Variants in FBXO36 observed in about 807,000 individuals in gnomAD.
FBXO36 encodes F-box only protein 36.
A neutral mutation model predicts 17.0 loss-of-function variants in FBXO36; 18 were observed. That is an observed-to-expected ratio of 1.06 (90% CI 0.73 to 1.57). FBXO36 has a LOEUF of 1.57. FBXO36 is among the 40% of genes most tolerant of loss of function. FBXO36 has a pLI of 0.00. For synonymous variants in FBXO36, 83 were observed against 85.3 expected, an observed-to-expected ratio of 0.97 and a Z score of 0.15; for missense variants, 229 against 221.9, an observed-to-expected ratio of 1.03 and a Z score of -0.20.
At chr2:230,001,477 G>A (rs748519051) in intron 3 of FBXO36, among the ~76,000 whole-genome samples, 6 of 151,450 alleles carry the variant, frequency 4.0e-5, no homozygotes, top group Non-Finnish European at 7.4e-5. Context: ...TAGTAGACAC[G>A]GGGTTTCGCC....
intron 1 of FBXO36, among the ~76,000 whole-genome samples, chr2:229,961,070 T>C (rs575276597): frequency 4.7e-4 from 71 of 152,092 alleles, no homozygotes; most frequent in African/African-American, 1.7e-3. Context: ...ATCACCGCCA[T>C]TGCCCTCCAG....
rs1183471382 is a variant in FBXO36 at position 229,922,577 on chromosome 2, G to A, written c.64G>A (p.Asp22Asn). Residue 22 changes from aspartate to asparagine, a missense_variant, in exon 1 of 4, where the codon GAC (aspartate) becomes AAC (asparagine). Transcript: ENST00000283946. ...TVGQGPPPSK[D>N]YYQLLVTRSQ... is the part of the protein sequence containing the mutation. Reference sequence around the variant, plus strand: ...AGGACAAGGCCCGCCGCCTAGCAAAGACTATTACCAGTTACTGGTCACCCG... The same window carrying A: ...AGGACAAGGCCCGCCGCCTAGCAAAAACTATTACCAGTTACTGGTCACCCG... 1.1e-5 allele frequency: 17 copies of A among 1,614,114 alleles called. No individual in the cohort carries two copies. The highest frequency in any genetic ancestry group is 1.4e-5 in the Non-Finnish European group (17 of 1,180,024).
chr2:229,939,939 C>T (rs1005237461), intron 1 of FBXO36, among the ~76,000 whole-genome samples: 27 of 152,126 alleles, frequency 1.8e-4, no homozygotes, highest in African/African-American at 6.3e-4. Flanking sequence ...AAAAATTAGC[C>T]AGGCGTGGTG....
At chr2:229,949,741 C>T (rs950979472) in intron 1 of FBXO36, among the ~76,000 whole-genome samples, 10 of 151,950 alleles carry the variant, frequency 6.6e-5, no homozygotes, top group Admixed American at 2.6e-4. Context: ...CTGGCTGACA[C>T]GGTGAAACCC....
chr2:229,965,248 G>A (rs1266206216), intron 1 of FBXO36, among the ~76,000 whole-genome samples: 3 of 147,660 alleles, frequency 2.0e-5, no homozygotes, highest in African/African-American at 7.5e-5. Flanking sequence ...CCAAAGTGTT[G>A]GGGTTACAGG....
intron 1 of FBXO36, among the ~76,000 whole-genome samples, chr2:229,929,462 A>T (rs1370312388): frequency 1.3e-5 from 2 of 152,052 alleles, no homozygotes; most frequent in African/African-American, 4.8e-5. Context: ...GCTACTGGGG[A>T]GGCTGAGGCA....
intron 3 of FBXO36, among the ~76,000 whole-genome samples, chr2:230,009,630 T>C (rs1317202084): frequency 6.6e-6 from 1 of 152,098 alleles, no homozygotes; most frequent in Non-Finnish European, 1.5e-5. Flanking sequence ...GATGGGGTGA[T>C]GGTAGAGGGA....
chr2:230,001,692 C>A (rs1448344844), intron 3 of FBXO36, among the ~76,000 whole-genome samples: 1 of 152,222 alleles, frequency 6.6e-6, no homozygotes, highest in Non-Finnish European at 1.5e-5. Flanking sequence ...CAGTCCAGCT[C>A]CTTCCTCTTT....
intron 3 of FBXO36, among the ~76,000 whole-genome samples, chr2:230,007,146 T>C (rs990985748): frequency 6.6e-6 from 1 of 152,264 alleles, no homozygotes; most frequent in Non-Finnish European, 1.5e-5. Flanking sequence ...GGCACCTGCC[T>C]GGGGTGCCTA....
At chr2:229,974,209 C>T (rs2077195865) in intron 1 of FBXO36, among the ~76,000 whole-genome samples, 1 of 152,010 alleles carries the variant, frequency 6.6e-6, no homozygotes, top group African/African-American at 2.4e-5. Context: ...GAAGGTTATA[C>T]ATAAAAAAAA....
chr2:229,962,542 T>C (rs1008871930), intron 1 of FBXO36, among the ~76,000 whole-genome samples: 1 of 149,606 alleles, frequency 6.7e-6, no homozygotes, highest in South Asian at 2.1e-4. Flanking sequence ...TATTTTATTT[T>C]ATTTTATTGT....
chr2:229,932,296 G>A (rs546861074), intron 1 of FBXO36, among the ~76,000 whole-genome samples: 58 of 152,260 alleles, frequency 3.8e-4, no homozygotes, highest in African/African-American at 1.4e-3. Flanking sequence ...TGACGCGGAT[G>A]GATCACCTAA....
At chr2:229,952,721 T>C (rs2162524) in intron 1 of FBXO36, among the ~76,000 whole-genome samples, 38,270 of 152,064 alleles carry the variant, frequency 0.25, 5,975 homozygotes, top group Middle Eastern at 0.43. Flanking sequence ...AGGGAACCAT[T>C]AGGCACCTTA....
chr2:229,994,013 C>G (rs1248871045), intron 2 of FBXO36, among the ~76,000 whole-genome samples: 1 of 151,974 alleles, frequency 6.6e-6, no homozygotes, highest in African/African-American at 2.4e-5. Flanking sequence ...ACCTCGTGAT[C>G]CACCCTCCTC....
At chr2:229,932,876 T>C (rs1384089062) in intron 1 of FBXO36, 2 of 333,514 alleles carry the variant, frequency 6.0e-6, no homozygotes, top group Non-Finnish European at 1.3e-5. Flanking sequence ...GAGACCAGCC[T>C]GACAAACATG....
At chr2:229,927,501 C>T (rs2076919270) in intron 1 of FBXO36, among the ~76,000 whole-genome samples, 1 of 152,198 alleles carries the variant, frequency 6.6e-6, no homozygotes, top group Admixed American at 6.5e-5. Flanking sequence ...GAACAGTTAA[C>T]TTAGGTTTAA....
At chr2:229,969,203 A>C (rs1397835277) in intron 1 of FBXO36, among the ~76,000 whole-genome samples, 3 of 151,580 alleles carry the variant, frequency 2.0e-5, no homozygotes, top group African/African-American at 7.3e-5. Flanking sequence ...TTCTACCAAG[A>C]TCAAACAAAG....
intron 1 of FBXO36, among the ~76,000 whole-genome samples, chr2:229,954,547 T>G (rs2077075262): frequency 7.4e-6 from 1 of 134,986 alleles, no homozygotes; most frequent in South Asian, 2.5e-4. Flanking sequence ...CCGGCCTTTT[T>G]TTTTTTTTTT....
At chr2:230,006,453 A>G (rs1217003686) in intron 3 of FBXO36, among the ~76,000 whole-genome samples, 1 of 152,154 alleles carries the variant, frequency 6.6e-6, no homozygotes, top group Non-Finnish European at 1.5e-5. Flanking sequence ...CCGAGGTCAT[A>G]TGGCCAGGGA....
Sources: gnomAD v4.1 joint callset for allele counts (sites outside exome capture counted in the v4.1 genomes callset) on GRCh38, gnomAD v4.1.1 for gene constraint, MANE v1.5 for transcripts, NCBI Gene and HGNC (gene_info 2026-07-23, HGNC 2026-07-21) for gene names.